HACL1: variants seen among roughly 807,000 people sequenced by gnomAD.
HACL1 encodes 2-hydroxyacyl-CoA lyase 1.
HACL1 carries 64 observed loss-of-function variants against 74.2 expected under a neutral mutation model. The ratio of observed to expected loss-of-function variants is 0.86; its 90% CI spans 0.70 to 1.06. The LOEUF is 1.06. Among genes scored for constraint, HACL1 ranks in the 50% least tolerant of loss-of-function variants. HACL1 has a pLI of 0.00. For synonymous variants in HACL1, 230 were observed against 238.8 expected, an observed-to-expected ratio of 0.96 and a Z score of 0.34; for missense variants, 728 against 719.7, an observed-to-expected ratio of 1.01 and a Z score of -0.13.
At chr3:15,590,346 G>A (rs541716148) in intron 4 of HACL1, among the ~76,000 whole-genome samples, 2 of 151,424 alleles carry the variant, frequency 1.3e-5, no homozygotes, top group Non-Finnish European at 2.9e-5. Flanking sequence ...AAAAAAAAAA[G>A]ATATGGGAAA....
intron 12 of HACL1, among the ~76,000 whole-genome samples, chr3:15,571,132 C>T (rs2063520601): frequency 6.6e-6 from 1 of 151,806 alleles, no homozygotes; most frequent in Non-Finnish European, 1.5e-5. Context: ...GTGTGTGCCA[C>T]CACATCTGGC....
At chr3:15,573,631 G>A (rs1050136580) in intron 10 of HACL1, among the ~76,000 whole-genome samples, 1 of 152,140 alleles carries the variant, frequency 6.6e-6, no homozygotes, top group African/African-American at 2.4e-5. Context: ...GGTATATTCT[G>A]GGCTTGATAA....
rs760168494 is a variant in HACL1, at chr3:15,573,176, G to A, written c.976C>T (p.His326Tyr). 1.9e-6 allele frequency: 3 copies of A among 1,600,696 alleles called. No individual in the cohort carries two copies. Among genetic ancestry groups the A allele is most frequent in the African/African-American group, 2.7e-5 (2 of 74,700 alleles). The change falls in exon 11 of 17, where the codon CAT becomes TAT. Residue 326 changes from histidine (H) to tyrosine (Y), a missense_variant. His to Tyr is a moderately conservative substitution (Grantham distance 83). Transcript: ENST00000321169. ...GTTCTCACCTGCTTAGTGACAGCAT[G>A]TATGTTTCCTAGCAAAGTAACAGCG... ...KPAVTLLGNI[H>Y]AVTKQLLEEL...
At position 15,573,260 on chromosome 3, in the gene HACL1, C is replaced by G. The variant is rs746335945; in HGVS notation, c.910-18G>C. Reference sequence around the variant, plus strand: ...ATATCAACCTAAAAAAGAGACAAGGCTAAAGAACAACCCATGTTTATTCTG... The same window carrying G: ...ATATCAACCTAAAAAAGAGACAAGGGTAAAGAACAACCCATGTTTATTCTG... On this transcript the variant is annotated intron_variant, in intron 10 of 16. Transcript: ENST00000321169. The G allele has an allele frequency of 6.8e-7, 1 of 1,470,442 alleles. No homozygotes were observed. Among genetic ancestry groups the G allele is most frequent in the Non-Finnish European group, 9.5e-7 (1 of 1,050,044 alleles). 91.1% of individuals were successfully genotyped at this position (1,470,442 alleles called of 1,614,324 possible).
chr3:15,576,563 C>G (rs947955347), intron 9 of HACL1, among the ~76,000 whole-genome samples: 5 of 152,114 alleles, frequency 3.3e-5, no homozygotes, highest in African/African-American at 1.2e-4. Context: ...TGTTTTAAAG[C>G]TGTATCATTA....
chr3:15,565,420 C>T (rs570641045), intron 14 of HACL1, among the ~76,000 whole-genome samples: 129 of 152,340 alleles, frequency 8.5e-4, no homozygotes, highest in African/African-American at 2.9e-3. Flanking sequence ...AAGTAACTAG[C>T]ACACACAATC....
chr3:15,591,910 G>C (rs1398096370), intron 3 of HACL1, among the ~76,000 whole-genome samples: 3 of 149,064 alleles, frequency 2.0e-5, no homozygotes, highest in African/African-American at 7.4e-5. Flanking sequence ...CACTATATAT[G>C]TATATAGTGT....
intron 5 of HACL1, among the ~76,000 whole-genome samples, chr3:15,587,796 A>G (rs1431718243): frequency 6.6e-6 from 1 of 152,200 alleles, no homozygotes; most frequent in Non-Finnish European, 1.5e-5. Context: ...AACTTATACT[A>G]GAGTTCAGTA....
intron 3 of HACL1, 114 bp from the exon 4 acceptor site, chr3:15,591,794 A>C: frequency 3.3e-6 from 2 of 609,570 alleles, no homozygotes; most frequent in Non-Finnish European, 5.9e-6. Context: ...ACAAGTCTTT[A>C]CTATAACTGA....
chr3:15,584,144 TA>T (rs1305466940), intron 7 of HACL1, among the ~76,000 whole-genome samples: 3 of 152,124 alleles, frequency 2.0e-5, no homozygotes, highest in African/African-American at 7.2e-5. Flanking sequence ...AGACATATAA[TA>T]AAAAAGGACA....
Position 15,568,562 on chromosome 3 carries a change from G to A in HACL1, c.1120C>T (p.Pro374Ser). ...SKELASKKSL[P>S]MNYYTVFYHV... is the part of the protein sequence containing the mutation. ...TAGAATACTGTGTAATAATTCATAG[G>A]CAGGGATTTTTTAGAAGCTAGTTCC... Residue 374 changes from proline to serine, a missense_variant, in exon 13 of 17, where the codon CCT (proline) becomes TCT (serine). Pro to Ser is a moderately conservative substitution (Grantham distance 74, BLOSUM62 -1). Transcript: ENST00000321169. The A allele has an allele frequency of 1.3e-6, 2 of 1,563,100 alleles. No homozygotes were observed. Among genetic ancestry groups the A allele is most frequent in the Non-Finnish European group, 1.7e-6 (2 of 1,144,960 alleles).
Position 15,568,077 on chromosome 3 carries a change from T to C in HACL1, c.1251-75A>G, listed in dbSNP as rs1269625925. ...GATGGGATTGGCACAAACCTTCTAG[T>C]CATATTTACATGGTTGATGGAAAAA... On this transcript the variant is annotated intron_variant, in intron 13 of 16. Transcript: ENST00000321169. 5.7e-6 allele frequency: 7 copies of C among 1,224,452 alleles called. No individual in the cohort carries two copies. In the African/African-American group the frequency reaches 1.1e-4, roughly 18 times the overall value. 75.8% of individuals were successfully genotyped at this position (1,224,452 alleles called of 1,614,324 possible).
chr3:15,563,302 A>T, intron 16 of HACL1, 56 bp downstream of exon 16: 5 of 1,157,930 alleles, frequency 4.3e-6, no homozygotes, highest in Non-Finnish European at 5.1e-6. Flanking sequence ...TACTTTTTGG[A>T]GGGGGATAGG....
intron 4 of HACL1, among the ~76,000 whole-genome samples, chr3:15,590,449 G>A (rs2063871121): frequency 6.6e-6 from 1 of 152,054 alleles, no homozygotes; most frequent in South Asian, 2.1e-4. Context: ...GAAACACAGG[G>A]CAAGAAAGAA....
rs571586940 is a variant in HACL1, at chr3:15,596,791, T to C, written c.187-367A>G. Among the ~76,000 whole-genome samples, 377 of 152,298 alleles carry C rather than the reference T, an allele frequency of 2.5e-3. 1 individual carries two copies. The highest frequency in any genetic ancestry group is 8.6e-3 in the African/African-American group (358 of 41,580). On this transcript the variant is annotated intron_variant, in intron 2 of 16. Coordinates refer to ENST00000321169, the MANE Select transcript of HACL1 (RefSeq NM_012260.4). The stretch of plus-strand genomic sequence containing the variant: ...ATCCATCTTTTCAAAGAACAAATTT[T>C]TTTAGTTCTTCGAAAATTTTTGTTG...
At chr3:15,595,269 A>T (rs1416999946) in intron 3 of HACL1, among the ~76,000 whole-genome samples, 1 of 152,234 alleles carries the variant, frequency 6.6e-6, no homozygotes, top group Non-Finnish European at 1.5e-5. Context: ...ATATGTAAAT[A>T]AAGCGGCAGA....
intron 12 of HACL1, among the ~76,000 whole-genome samples, chr3:15,569,198 A>G (rs1245152319): frequency 2.0e-5 from 3 of 152,208 alleles, no homozygotes; most frequent in Non-Finnish European, 4.4e-5. Flanking sequence ...GAGCTTTAGC[A>G]GCAACAGTCC....
At chr3:15,573,300 A>C in intron 10 of HACL1, 58 bp from the exon 11 acceptor site, 1 of 965,020 alleles carries the variant, frequency 1.0e-6, no homozygotes, top group South Asian at 1.3e-5. Context: ...ATATGTAAGA[A>C]GGCAATTACG....
chr3:15,564,804 A>G (rs1365861914), intron 14 of HACL1, 146 bp from the exon 15 acceptor site: 2 of 542,850 alleles, frequency 3.7e-6, no homozygotes, highest in Non-Finnish European at 6.5e-6. Context: ...AGCATTTATT[A>G]TCCTAAGAAA....
Sources: allele counts gnomAD v4.1 joint callset (sites outside exome capture counted in the v4.1 genomes callset), GRCh38; gene constraint gnomAD v4.1.1; transcripts MANE v1.5; gene names NCBI Gene and HGNC (gene_info 2026-07-23, HGNC 2026-07-21).